Variants in DLG2 observed in about 807,000 individuals in gnomAD.
DLG2 encodes the protein discs large MAGUK scaffold protein 2, also known as disks large homolog 2.
DLG2 carries 45 observed loss-of-function variants against 132.5 expected under a neutral mutation model. The ratio of observed to expected loss-of-function variants is 0.34; its 90% CI spans 0.27 to 0.44. The LOEUF is 0.44. Ranked by LOEUF, DLG2 falls within the 20% of genes least tolerant of loss-of-function variation. The pLI is 1.00. For missense variants in DLG2, 1,045 were observed against 1,196.9 expected, an observed-to-expected ratio of 0.87 and a Z score of 1.87; for synonymous variants, 424 against 419.6, an observed-to-expected ratio of 1.01 and a Z score of -0.13.
rs1279820351 is a variant in DLG2 at position 84,649,678 on chromosome 11, C to G, written c.358-114947G>C. ...ACTCTTTATTTGATAGGTTTGCTGT[C>G]TACTGGAACTGGCCTGCAGCAAAAT... On this transcript the variant is annotated intron_variant, in intron 6 of 27. Coordinates refer to ENST00000376104, the MANE Select transcript of DLG2 (RefSeq NM_001142699.3). 2.6e-5 allele frequency among the ~76,000 whole-genome samples: 4 copies of G among 152,190 alleles called. No individual in the cohort carries two copies. The East Asian group carries it at 7.7e-4, about 29-fold the overall frequency.
chr11:84,570,567 A>C (rs1188773827), intron 6 of DLG2, among the ~76,000 whole-genome samples: 8 of 152,178 alleles, frequency 5.3e-5, no homozygotes, highest in African/African-American at 1.9e-4. Flanking sequence ...TAGAGTCCAT[A>C]GCACATAAGA....
chr11:83,942,896 A>C (rs790373), intron 14 of DLG2, among the ~76,000 whole-genome samples: 150,776 of 152,322 alleles, frequency 0.99, 74,628 homozygotes, highest in East Asian at 1. Context: ...TGTCCCCAAC[A>C]AAATCTCATC....
intron 2 of DLG2, among the ~76,000 whole-genome samples, chr11:85,621,966 G>A (rs1202622840): frequency 6.6e-6 from 1 of 152,168 alleles, no homozygotes. Flanking sequence ...ATAAAATAAA[G>A]AGTCAATTGA....
intron 19 of DLG2, among the ~76,000 whole-genome samples, chr11:83,555,612 A>AT (rs1255900437): frequency 8.3e-6 from 1 of 120,082 alleles, no homozygotes; most frequent in African/African-American, 3.4e-5. Context: ...TTACCAGAAT[A>AT]TATCATTTTT....
intron 4 of DLG2, among the ~76,000 whole-genome samples, chr11:85,240,796 A>C (rs1248515097): frequency 6.6e-6 from 1 of 151,804 alleles, no homozygotes; most frequent in Non-Finnish European, 1.5e-5. Flanking sequence ...TATTACTATA[A>C]TGTGTCTTAT....
At chr11:84,443,197 T>G (rs1264498111) in intron 7 of DLG2, among the ~76,000 whole-genome samples, 1 of 152,226 alleles carries the variant, frequency 6.6e-6, no homozygotes, top group African/African-American at 2.4e-5. Flanking sequence ...CATAACATAC[T>G]TGGCATCAGA....
At chr11:84,602,476 A>G (rs2099578364) in intron 6 of DLG2, among the ~76,000 whole-genome samples, 1 of 152,032 alleles carries the variant, frequency 6.6e-6, no homozygotes, top group African/African-American at 2.4e-5. Flanking sequence ...AATAAGAAAG[A>G]GACAAAAGCT....
chr11:84,773,732 C>T (rs941719252), intron 6 of DLG2, among the ~76,000 whole-genome samples: 1 of 152,074 alleles, frequency 6.6e-6, no homozygotes, highest in African/African-American at 2.4e-5. Context: ...CAGTAAATTT[C>T]AACATCCCTT....
intron 18 of DLG2, among the ~76,000 whole-genome samples, chr11:83,668,585 T>C (rs2076140816): frequency 6.6e-6 from 1 of 151,876 alleles, no homozygotes; most frequent in Non-Finnish European, 1.5e-5. Context: ...ATTACTGTAA[T>C]TTAAATTACA....
intron 3 of DLG2, among the ~76,000 whole-genome samples, chr11:85,579,555 T>A (rs1273712821): frequency 2.0e-5 from 3 of 152,120 alleles, no homozygotes; most frequent in Non-Finnish European, 1.5e-5. Flanking sequence ...ATTTGAAACA[T>A]GGAGGTCTCT....
chr11:85,439,740 A>G (rs1179146154), intron 3 of DLG2, among the ~76,000 whole-genome samples: 1 of 152,176 alleles, frequency 6.6e-6, no homozygotes, highest in East Asian at 1.9e-4. Flanking sequence ...TGTGTGAAAC[A>G]AAAAGTCAAA....
intron 8 of DLG2, among the ~76,000 whole-genome samples, chr11:84,194,406 T>C (rs945478845): frequency 3.3e-5 from 5 of 152,154 alleles, no homozygotes; most frequent in African/African-American, 1.2e-4. Flanking sequence ...CAGACCTTCA[T>C]GGTGAGTGTT....
Position 85,447,263 on chromosome 11 carries a change from C to T in DLG2, c.40+151394G>A, listed in dbSNP as rs539663192. On this transcript the variant is annotated intron_variant, in intron 3 of 27. Coordinates refer to ENST00000376104, the MANE Select transcript of DLG2 (RefSeq NM_001142699.3). The stretch of plus-strand genomic sequence containing the variant: ...TCCAAGAATACTATGATGAAAAACA[C>T]ATTTGTTATGGACTGAATTGTGTCT... Among the ~76,000 whole-genome samples the T allele has an allele frequency of 6.3e-4, 96 of 152,250 alleles. 1 individual carries two copies. Among genetic ancestry groups the T allele is most frequent in the Middle Eastern group, 3.4e-3 (1 of 294 alleles).
chr11:85,516,921 T>G (rs2094180801), intron 3 of DLG2, among the ~76,000 whole-genome samples: 1 of 152,118 alleles, frequency 6.6e-6, no homozygotes. Flanking sequence ...TAACTCATCC[T>G]ATGAAACCAG....
intron 3 of DLG2, among the ~76,000 whole-genome samples, chr11:85,440,668 G>T (rs2091732914): frequency 1.3e-5 from 2 of 152,170 alleles, no homozygotes; most frequent in Non-Finnish European, 2.9e-5. Context: ...CTATAGTGAT[G>T]ATTACTTATT....
At chr11:84,713,192 T>C (rs533079414) in intron 6 of DLG2, among the ~76,000 whole-genome samples, 2 of 152,236 alleles carry the variant, frequency 1.3e-5, no homozygotes, top group East Asian at 1.9e-4. Context: ...CAAAATTATA[T>C]TGGAAATGAG....
intron 7 of DLG2, among the ~76,000 whole-genome samples, chr11:84,301,226 T>C (rs1201367461): frequency 6.6e-6 from 1 of 152,098 alleles, no homozygotes; most frequent in Admixed American, 6.5e-5. Context: ...AGAAAAAGAA[T>C]ATTTGGCAGT....
chr11:83,474,747 T>G (rs574355329), intron 22 of DLG2, among the ~76,000 whole-genome samples: 1 of 152,242 alleles, frequency 6.6e-6, no homozygotes, highest in African/African-American at 2.4e-5. Context: ...TAGGTTCTAT[T>G]TTGTGTTTCT....
chr11:85,471,523 G>A (rs564113922), intron 3 of DLG2, among the ~76,000 whole-genome samples: 1 of 152,232 alleles, frequency 6.6e-6, no homozygotes, highest in East Asian at 1.9e-4. Flanking sequence ...AGGAAAAATA[G>A]ACAAATTTAA....
Sources: gnomAD v4.1 joint callset for allele counts (sites outside exome capture counted in the v4.1 genomes callset) on GRCh38, gnomAD v4.1.1 for gene constraint, MANE v1.5 for transcripts, NCBI Gene and HGNC (gene_info 2026-07-23, HGNC 2026-07-21) for gene names.